CANX: variants seen among roughly 807,000 people sequenced by gnomAD.
CANX encodes the protein epididymis secretory sperm binding protein.
A neutral mutation model predicts 75.7 loss-of-function variants in CANX; 14 were observed. That is an observed-to-expected ratio of 0.19 (90% confidence interval 0.12 to 0.29). The LOEUF is 0.29. CANX is among the 10% of genes least tolerant of loss of function. The pLI, the probability that CANX is intolerant of heterozygous loss-of-function variation, is 1.00. For missense variants in CANX, 567 were observed against 713.2 expected (o/e 0.79, Z 2.34); for synonymous variants, 227 against 236.9 (o/e 0.96, Z 0.38).
At chr5:179,728,115 G>T (rs1018593387) in intron 14 of CANX, among the ~76,000 whole-genome samples, 1 of 152,178 alleles carries the variant, frequency 6.6e-6, no homozygotes, top group African/African-American at 2.4e-5. Context: ...TTAAAAAGTT[G>T]CTGGTGCATT....
chr5:179,684,745 A>T (rs1776153778), intron 1 of CANX, among the ~76,000 whole-genome samples: 1 of 151,372 alleles, frequency 6.6e-6, no homozygotes, highest in Non-Finnish European at 1.5e-5. Flanking sequence ...ATCCTTAATA[A>T]ATTTATTTTA....
At chr5:179,718,955 G>A (rs1216030310) in intron 8 of CANX, among the ~76,000 whole-genome samples, 8 of 150,734 alleles carry the variant, frequency 5.3e-5, no homozygotes, top group African/African-American at 1.7e-4. Context: ...GTGAGCCACC[G>A]CACCTGGCCT....
intron 13 of CANX, 93 bp from the exon 14 acceptor site, chr5:179,726,587 A>G: frequency 4.5e-6 from 4 of 884,746 alleles, no homozygotes; most frequent in Non-Finnish European, 5.2e-6. Context: ...AAAAAAAAAA[A>G]AAAAAATTGT....
chr5:179,679,504 G>C (rs1485830235), intron 1 of CANX, among the ~76,000 whole-genome samples: 1 of 152,172 alleles, frequency 6.6e-6, no homozygotes, highest in African/African-American at 2.4e-5. Flanking sequence ...GACGGGAGGA[G>C]GGCCTTGTTC....
upstream of CANX, among the ~76,000 whole-genome samples, chr5:179,697,534 T>C (rs1040150259): frequency 1.3e-5 from 2 of 152,224 alleles, no homozygotes; most frequent in Non-Finnish European, 2.9e-5. Flanking sequence ...ATTTGGATCA[T>C]GTAGCATCCA....
chr5:179,720,362 A>G (rs778167087), intron 9 of CANX, 42 bp from the exon 10 acceptor site: 3 of 1,574,238 alleles, frequency 1.9e-6, no homozygotes, highest in South Asian at 1.1e-5. Context: ...ATAGTCCTGC[A>G]TCACAGAACC....
At chr5:179,699,198 T>G in intron 1 of CANX, 96 bp downstream of exon 1, 8 of 757,562 alleles carry the variant, frequency 1.1e-5, no homozygotes, top group Non-Finnish European at 1.3e-5. Context: ...GGCCGGCGAC[T>G]GAGGGGTCGG....
At chr5:179,689,385 T>TTTTTTG (rs1776256864) in intron 1 of CANX, among the ~76,000 whole-genome samples, 1 of 141,488 alleles carries the variant, frequency 7.1e-6, no homozygotes, top group Admixed American at 7.3e-5. Flanking sequence ...ACAAGTTTTT[T>TTTTTTG]TTTTTTTTTT....
At chr5:179,709,101 A>G (rs978072844) in intron 6 of CANX, 42 bp downstream of exon 6, 5 of 1,158,130 alleles carry the variant, frequency 4.3e-6, no homozygotes, top group Admixed American at 1.7e-5. Flanking sequence ...GACACCCACT[A>G]TTACCTTGTA....
chr5:179,702,725 C>A (rs1046586685), intron 1 of CANX, among the ~76,000 whole-genome samples: 1 of 152,118 alleles, frequency 6.6e-6, no homozygotes, highest in Admixed American at 6.6e-5. Context: ...GGCAGTCTTA[C>A]TCTGTTGCCC....
chr5:179,711,439 A>G (rs139791114), intron 7 of CANX, among the ~76,000 whole-genome samples: 16 of 151,968 alleles, frequency 1.1e-4, no homozygotes, highest in African/African-American at 3.9e-4. Context: ...AAAACAAAAA[A>G]CCCAAAAAAC....
At chr5:179,710,410 CAAA>C (rs760599960) in intron 7 of CANX, among the ~76,000 whole-genome samples, 2 of 84,446 alleles carry the variant, frequency 2.4e-5, no homozygotes, top group Non-Finnish European at 2.4e-5. Context: ...GACTCAATCT[CAAA>C]AAAAAAAAAA....
intron 13 of CANX, among the ~76,000 whole-genome samples, chr5:179,725,213 T>G (rs1376548129): frequency 6.6e-6 from 1 of 152,044 alleles, no homozygotes; most frequent in Non-Finnish European, 1.5e-5. Context: ...GTTTGTTTAT[T>G]GATTTATTTA....
At chr5:179,684,531 G>A (rs1283682035) in intron 1 of CANX, among the ~76,000 whole-genome samples, 6 of 151,280 alleles carry the variant, frequency 4.0e-5, no homozygotes, top group Non-Finnish European at 5.9e-5. Flanking sequence ...TAGTAGAGAC[G>A]GGGTTTCACT....
chr5:179,704,527 GAAAA>G (rs548978305), intron 1 of CANX: 3 of 134,386 alleles, frequency 2.2e-5, no homozygotes, highest in East Asian at 2.2e-4. Context: ...CTCATCTCAG[GAAAA>G]AAAAAAAAAA....
At chr5:179,722,765 A>G (rs1778394051) in intron 10 of CANX, 39 bp from the exon 11 acceptor site, 5 of 1,430,550 alleles carry the variant, frequency 3.5e-6, no homozygotes, top group Middle Eastern at 1.8e-4. Context: ...TTTGTTGATC[A>G]TTATCTGAAA....
At chr5:179,688,187 A>G (rs1392789176) in intron 1 of CANX, among the ~76,000 whole-genome samples, 1 of 146,824 alleles carries the variant, frequency 6.8e-6, no homozygotes, top group Non-Finnish European at 1.5e-5. Context: ...CCTCCCGAGT[A>G]GCTGGGACTA....
upstream of CANX, chr5:179,698,777 G>A: frequency 3.0e-6 from 2 of 659,976 alleles, no homozygotes; most frequent in Non-Finnish European, 4.6e-6. Context: ...CTCACTCCCG[G>A]CCAATCTTCA....
chr5:179,703,320 C>A (rs916580314), intron 1 of CANX, among the ~76,000 whole-genome samples: 1 of 151,564 alleles, frequency 6.6e-6, no homozygotes, highest in Admixed American at 6.6e-5. Flanking sequence ...CAGGTTCAAG[C>A]GATTCTCCTC....
Sources: gnomAD v4.1 joint callset for allele counts (sites outside exome capture counted in the v4.1 genomes callset) on GRCh38, gnomAD v4.1.1 for gene constraint, MANE v1.5 for transcripts, NCBI Gene and HGNC (gene_info 2026-07-23, HGNC 2026-07-21) for gene names.